Variants in DAB1 observed in about 807,000 individuals in gnomAD.
DAB1 encodes DAB adaptor protein 1.
In DAB1, 15 loss-of-function variants were observed where a neutral mutation model predicts 64.6. The observed-to-expected ratio is 0.23, with a 90% confidence interval of 0.16 to 0.36. The LOEUF (loss-of-function observed/expected upper bound fraction) is 0.36. Ranked by LOEUF, DAB1 falls within the 10% of genes least tolerant of loss-of-function variation. DAB1 has a pLI of 1.00. For synonymous variants in DAB1, 235 were observed against 251.9 expected (o/e 0.93, Z 0.64); for missense variants, 596 against 706.7 (o/e 0.84, Z 1.78).
chr1:58,114,407 T>C (rs917695968), intron 5 of DAB1, among the ~76,000 whole-genome samples: 1 of 152,222 alleles, frequency 6.6e-6, no homozygotes, highest in Non-Finnish European at 1.5e-5. Flanking sequence ...AAAAAAATGT[T>C]GGCAATGACC....
chr1:58,323,234 T>TATAATAATAATAATA (rs146067591), intron 4 of DAB1, among the ~76,000 whole-genome samples: 2 of 145,892 alleles, frequency 1.4e-5, no homozygotes, highest in African/African-American at 5.0e-5. Flanking sequence ...GAACTTAAAG[T>TATAATAATAATAATA]ATAATAATAA....
chr1:57,280,845 A>G (rs929469154), intron 2 of DAB1, among the ~76,000 whole-genome samples: 2 of 152,134 alleles, frequency 1.3e-5, no homozygotes, highest in South Asian at 2.1e-4. Flanking sequence ...TGTGCAAATA[A>G]TTCTCCCCCA....
At chr1:57,728,941 CCTGT>C (rs1647295114) in intron 6 of DAB1, among the ~76,000 whole-genome samples, 1 of 149,972 alleles carries the variant, frequency 6.7e-6, no homozygotes, top group African/African-American at 2.5e-5. Flanking sequence ...ATGTTATTAG[CCTGT>C]CTTTTATCTT....
Position 57,810,806 on chromosome 1 carries a change from A to G in DAB1, n.551+73193T>C, listed in dbSNP as rs1361735072. On this transcript the variant is annotated intron_variant and non_coding_transcript_variant, in intron 6 of 20. Coordinates refer to the DAB1 transcript ENST00000485760. The stretch of plus-strand genomic sequence containing the variant: ...TCTCTATTAGCTTTCTATTGCTGCT[A>G]TAACAAATTATCACAATTTAGTAGC... Among the ~76,000 whole-genome samples, 3 of 152,338 alleles carry G rather than the reference A, an allele frequency of 2.0e-5. No homozygotes were observed. In the East Asian group the frequency reaches 5.8e-4, roughly 29 times the overall value.
At chr1:57,556,899 A>G (rs1202483125) in intron 7 of DAB1, among the ~76,000 whole-genome samples, 1 of 152,116 alleles carries the variant, frequency 6.6e-6, no homozygotes, top group African/African-American at 2.4e-5. Flanking sequence ...TAGAATTTTT[A>G]TGGTCTCAGG....
rs369198960 is a variant in DAB1 at position 57,705,942 on chromosome 1, T to G, written n.552-56277A>C. Among the ~76,000 whole-genome samples the G allele has an allele frequency of 1.5e-4, 23 of 152,044 alleles. No homozygotes were observed. The East Asian group carries it at 3.9e-3, about 26-fold the overall frequency. ...TTAGTCACATGCTTAGTAATATCTTTTTTCCTCATTTTTCTTTTTGCATCT... is the reference window on the plus strand; with the variant it reads ...TTAGTCACATGCTTAGTAATATCTTGTTTCCTCATTTTTCTTTTTGCATCT... On this transcript the variant is annotated intron_variant and non_coding_transcript_variant, in intron 6 of 20. Coordinates refer to the DAB1 transcript ENST00000485760.
rs1477689077 is a variant in DAB1, at chr1:57,565,482, T to G, written n.625+84110A>C. On this transcript the variant is annotated intron_variant and non_coding_transcript_variant, in intron 7 of 20. Coordinates refer to the DAB1 transcript ENST00000485760. ...CAATTAAAAGACACAGACTGGCAAA[T>G]TGGATAAAGAGTCAAGACCCATCAG... Among the ~76,000 whole-genome samples the G allele has an allele frequency of 2.6e-5, 4 of 152,030 alleles. 1 individual carries two copies. In the East Asian group the frequency reaches 7.7e-4, roughly 29 times the overall value.
intron 9 of DAB1, among the ~76,000 whole-genome samples, chr1:57,041,020 G>A (rs1570572486): frequency 6.6e-6 from 1 of 152,252 alleles, no homozygotes; most frequent in East Asian, 1.9e-4. Flanking sequence ...AATATTGGAG[G>A]GAGCTGAAAT....
intron 4 of DAB1, among the ~76,000 whole-genome samples, chr1:58,154,275 C>T (rs1178749980): frequency 2.0e-5 from 3 of 151,984 alleles, no homozygotes; most frequent in East Asian, 1.9e-4. Context: ...AAAAAAGACT[C>T]GTTAGAAAAA....
intron 12 of DAB1, among the ~76,000 whole-genome samples, chr1:57,014,079 T>C (rs531788129): frequency 3.3e-5 from 5 of 152,222 alleles, no homozygotes; most frequent in Non-Finnish European, 7.3e-5. Context: ...GGATAAAAGA[T>C]ACTTCAAATT....
intron 2 of DAB1, among the ~76,000 whole-genome samples, chr1:57,201,776 TG>T (rs1665118728): frequency 1.3e-5 from 2 of 152,172 alleles, no homozygotes; most frequent in South Asian, 4.1e-4. Context: ...CTGGAAGATC[TG>T]GAGAACAGGG....
At chr1:57,328,701 T>A (rs751040215) in intron 1 of DAB1, among the ~76,000 whole-genome samples, 1 of 152,200 alleles carries the variant, frequency 6.6e-6, no homozygotes, top group African/African-American at 2.4e-5. Context: ...GTCTTTTGAC[T>A]AACTGTCCTT....
intron 2 of DAB1, among the ~76,000 whole-genome samples, chr1:57,287,381 C>T (rs1672401628): frequency 6.6e-6 from 1 of 152,130 alleles, no homozygotes; most frequent in South Asian, 2.1e-4. Context: ...AGCCAGAAAA[C>T]TATCTTTAGT....
chr1:57,826,132 A>G (rs1170986174), exon 2 of DAB1: 2 of 152,334 alleles, frequency 1.3e-5, no homozygotes, highest in East Asian at 1.9e-4. Context: ...CAGAGAACCA[A>G]TCAGTCTGAT....
chr1:57,403,456 A>C (rs1683403629), intron 1 of DAB1, among the ~76,000 whole-genome samples: 3 of 152,186 alleles, frequency 2.0e-5, no homozygotes, highest in South Asian at 2.1e-4. Flanking sequence ...TGTTTATGTG[A>C]GCCAGAAAAC....
At chr1:57,600,181 C>T (rs1020303061) in intron 7 of DAB1, among the ~76,000 whole-genome samples, 1 of 152,138 alleles carries the variant, frequency 6.6e-6, no homozygotes, top group African/African-American at 2.4e-5. Flanking sequence ...GTCTGCATCC[C>T]CCAACAGGAT....
chr1:58,409,858 A>C (rs1187934167), intron 3 of DAB1, among the ~76,000 whole-genome samples: 1 of 152,112 alleles, frequency 6.6e-6, no homozygotes, highest in African/African-American at 2.4e-5. Context: ...TTGGAACTTT[A>C]CTTCCTTCCC....
chr1:57,145,539 T>C (rs944571333), intron 2 of DAB1, 110 bp from the exon 3 acceptor site: 1 of 1,145,174 alleles, frequency 8.7e-7, no homozygotes, highest in African/African-American at 1.5e-5. Context: ...TCCCGGAAAG[T>C]CAAATCACTG....
chr1:57,469,634 C>T (rs1216009380), intron 7 of DAB1, among the ~76,000 whole-genome samples: 1 of 152,130 alleles, frequency 6.6e-6, no homozygotes, highest in East Asian at 1.9e-4. Flanking sequence ...CTTAACTCTG[C>T]CCAGATATGT....
Sources: gnomAD v4.1 joint callset for allele counts (sites outside exome capture counted in the v4.1 genomes callset) on GRCh38, gnomAD v4.1.1 for gene constraint, MANE v1.5 for transcripts, NCBI Gene and HGNC (gene_info 2026-07-23, HGNC 2026-07-21) for gene names.